Variants in GLIS3 observed in about 807,000 individuals in gnomAD.
GLIS3 encodes zinc finger protein GLIS3.
Under a neutral mutation model 78.6 loss-of-function variants are expected in GLIS3, and 53 were observed. That is an observed-to-expected ratio of 0.67 (90% CI 0.54 to 0.85). The LOEUF (loss-of-function observed/expected upper bound fraction) is 0.85, where lower values mean the gene tolerates loss of function less well. Ranked by LOEUF, GLIS3 falls within the 40% of genes least tolerant of loss-of-function variation. The pLI is 0.00. For synonymous variants in GLIS3, 684 were observed against 509.9 expected (o/e 1.34, Z -4.60); for missense variants, 1,703 against 1,231.1 (o/e 1.38, Z -5.74).
Position 3,856,009 on chromosome 9 carries a change from C to G in GLIS3, c.2473G>C (p.Gly825Arg), listed in dbSNP as rs1488821731. ...AAGGGACTGCCAGCTTCTTGCTTAC[C>G]ATGGACATGGATACCATTTGGTTGA... is the stretch of plus-strand genomic sequence containing the variant. Reference protein sequence around the residue: ...SFQPNGIHVHGFYGQLQKFCP... With the variant: ...SFQPNGIHVHRFYGQLQKFCP... Residue 825 changes from glycine to arginine, a missense_variant and splice_region_variant, in exon 9 of 11, where the codon GGA becomes CGA. Transcript: ENST00000381971. 10 of 1,613,978 alleles carry G rather than the reference C, an allele frequency of 6.2e-6. No homozygotes were observed. Among genetic ancestry groups the G allele is most frequent in the Non-Finnish European group, 8.5e-6 (10 of 1,179,988 alleles).
chr9:4,326,095 G>A (rs1480540748), intron 2 of GLIS3, among the ~76,000 whole-genome samples: 3 of 152,144 alleles, frequency 2.0e-5, no homozygotes, highest in Non-Finnish European at 4.4e-5. Context: ...ACAGCTAATG[G>A]ACGCTGGGCT....
chr9:4,077,694 C>CGG (rs532274440), intron 4 of GLIS3, among the ~76,000 whole-genome samples: 1 of 152,018 alleles, frequency 6.6e-6, no homozygotes, highest in East Asian at 1.9e-4. Flanking sequence ...ACAGGGGGCG[C>CGG]GGGGGGGTAA....
chr9:4,025,273 C>T (rs1016145386), intron 4 of GLIS3, among the ~76,000 whole-genome samples: 3 of 151,872 alleles, frequency 2.0e-5, no homozygotes, highest in Non-Finnish European at 4.4e-5. Flanking sequence ...AAGAAAAGAA[C>T]GTACTCAAAT....
intron 2 of GLIS3, among the ~76,000 whole-genome samples, chr9:4,276,474 G>A (rs1467076620): frequency 3.3e-4 from 5 of 15,312 alleles, no homozygotes; most frequent in South Asian, 5.7e-3. Context: ...AAGGGGACGG[G>A]AGGGGAGGGA....
the GLIS3 span, among the ~76,000 whole-genome samples, chr9:4,365,845 T>C: frequency 3.9e-5 from 6 of 152,246 alleles, no homozygotes; most frequent in Non-Finnish European, 8.8e-5. Context: ...GGTATCAATA[T>C]CTTCTTTTAA....
intron 2 of GLIS3, among the ~76,000 whole-genome samples, chr9:4,149,608 G>C (rs879944163): frequency 3.9e-5 from 6 of 152,214 alleles, no homozygotes; most frequent in African/African-American, 1.2e-4. Context: ...TGTCAGGCAT[G>C]CAAGTACAAA....
At chr9:4,289,692 C>G (rs991243453) in intron 1 of GLIS3, among the ~76,000 whole-genome samples, 10 of 152,092 alleles carry the variant, frequency 6.6e-5, no homozygotes, top group Non-Finnish European at 1.2e-4. Context: ...AAAGAAAAAG[C>G]AAGGAACATC....
the GLIS3 span, among the ~76,000 whole-genome samples, chr9:4,443,225 G>C: frequency 7.9e-4 from 121 of 152,264 alleles, no homozygotes; most frequent in African/African-American, 2.7e-3. Context: ...TCTAGACCCA[G>C]AGCCCAGCAA....
At chr9:4,238,408 T>C (rs1388575097) in intron 2 of GLIS3, among the ~76,000 whole-genome samples, 1 of 152,168 alleles carries the variant, frequency 6.6e-6, no homozygotes, top group Non-Finnish European at 1.5e-5. Flanking sequence ...TCTACCCACA[T>C]GAGAGAAGAT....
Position 4,286,816 on chromosome 9 carries a change from A to G in GLIS3, c.-98-293T>C, listed in dbSNP as rs74742357. On this transcript the variant is annotated intron_variant, in intron 1 of 10. Coordinates refer to ENST00000381971, the MANE Select transcript of GLIS3 (RefSeq NM_001042413.2). Reference sequence around the variant, plus strand: ...ATCTACTGGTGCCAGCTTGCAAAACAAAACTTATTTTGTTCCCTAGAGGAT... The same window carrying G: ...ATCTACTGGTGCCAGCTTGCAAAACGAAACTTATTTTGTTCCCTAGAGGAT... Among the ~76,000 whole-genome samples the G allele has an allele frequency of 0.031, 4,750 of 152,262 alleles. 215 individuals carry two copies. Among genetic ancestry groups the G allele is most frequent in the Admixed American group, 0.1 (1,603 of 15,288 alleles).
chr9:3,996,110 T>C lies in GLIS3; in HGVS notation c.1711-58921A>G, dbSNP rs117044378. Among the ~76,000 whole-genome samples the C allele has an allele frequency of 6.3e-3, 953 of 152,304 alleles. 5 individuals are homozygous for C. Among genetic ancestry groups the C allele is most frequent in the Non-Finnish European group, 8.7e-3 (592 of 68,010 alleles). On this transcript the variant is annotated intron_variant, in intron 4 of 10. Transcript: ENST00000381971. Reference sequence around the variant, plus strand: ...TCAACAGCAACATCAGGAGGAATCATATCTTCAAAATGCTGTGAGAAGTAA... The same window carrying C: ...TCAACAGCAACATCAGGAGGAATCACATCTTCAAAATGCTGTGAGAAGTAA...
upstream of GLIS3, among the ~76,000 whole-genome samples, chr9:4,301,754 G>A (rs1485423323): frequency 6.6e-6 from 1 of 152,138 alleles, no homozygotes; most frequent in Non-Finnish European, 1.5e-5. Flanking sequence ...CCAAATGATG[G>A]GAACAGCTTA....
intron 2 of GLIS3, among the ~76,000 whole-genome samples, chr9:4,208,757 A>G (rs1820104311): frequency 6.6e-6 from 1 of 152,174 alleles, no homozygotes; most frequent in Non-Finnish European, 1.5e-5. Flanking sequence ...GTTTTGCCCA[A>G]AGCCTTATGC....
At chr9:4,044,448 C>G (rs1731121765) in intron 4 of GLIS3, among the ~76,000 whole-genome samples, 1 of 152,152 alleles carries the variant, frequency 6.6e-6, no homozygotes, top group South Asian at 2.1e-4. Context: ...CTCATAGTCT[C>G]TCATTTCTCT....
At chr9:3,831,912 A>G (rs571558618) in intron 9 of GLIS3, among the ~76,000 whole-genome samples, 1 of 152,294 alleles carries the variant, frequency 6.6e-6, no homozygotes, top group African/African-American at 2.4e-5. Flanking sequence ...CCTATGTTAC[A>G]GAATAAAGAT....
intron 2 of GLIS3, among the ~76,000 whole-genome samples, chr9:4,145,354 A>G (rs1329982317): frequency 1.3e-5 from 2 of 152,218 alleles, no homozygotes; most frequent in Non-Finnish European, 2.9e-5. Flanking sequence ...ATGAAAAACT[A>G]CACCCAAAGG....
intron 2 of GLIS3, among the ~76,000 whole-genome samples, chr9:4,158,569 C>T (rs1353885996): frequency 1.3e-5 from 2 of 152,204 alleles, no homozygotes; most frequent in African/African-American, 4.8e-5. Context: ...CAGAAGTTGT[C>T]AGACTTTTCC....
chr9:3,948,153 C>G (rs778220385), intron 4 of GLIS3, among the ~76,000 whole-genome samples: 46 of 152,196 alleles, frequency 3.0e-4, no homozygotes, highest in Non-Finnish European at 6.0e-4. Context: ...TGCATCATCT[C>G]CAGTTTCTTT....
chr9:4,305,562 C>G (rs1456374449), intron 4 of GLIS3: 1 of 152,236 alleles, frequency 6.6e-6, no homozygotes, highest in African/African-American at 2.4e-5. Flanking sequence ...AAGTGAATGG[C>G]TCATAAATCT....
Sources: gnomAD v4.1 joint callset for allele counts (sites outside exome capture counted in the v4.1 genomes callset) on GRCh38, gnomAD v4.1.1 for gene constraint, MANE v1.5 for transcripts, NCBI Gene and HGNC (gene_info 2026-07-23, HGNC 2026-07-21) for gene names.